Variants in CACNA2D1 observed in about 807,000 individuals in gnomAD.
CACNA2D1 encodes the protein voltage-dependent calcium channel subunit alpha-2/delta-1.
Under a neutral mutation model 171.5 loss-of-function variants are expected in CACNA2D1, and 53 were observed. The ratio of observed to expected loss-of-function variants is 0.31; its 90% CI spans 0.25 to 0.39. CACNA2D1 has a LOEUF of 0.39. Ranked by LOEUF, CACNA2D1 falls within the 10% of genes least tolerant of loss-of-function variation. CACNA2D1 has a pLI of 1.00. For missense variants in CACNA2D1, 903 were observed against 1,299.8 expected (o/e 0.69, Z 4.69); for synonymous variants, 442 against 443.1 (o/e 1.00, Z 0.03).
At chr7:82,110,897 T>TG (rs1388793116) in intron 6 of CACNA2D1, among the ~76,000 whole-genome samples, 1 of 152,238 alleles carries the variant, frequency 6.6e-6, no homozygotes, top group Non-Finnish European at 1.5e-5. Context: ...TACACTACGA[T>TG]ATACACTATT....
At chr7:82,347,241 A>C (rs1819354149) in intron 2 of CACNA2D1, among the ~76,000 whole-genome samples, 1 of 152,162 alleles carries the variant, frequency 6.6e-6, no homozygotes, top group Non-Finnish European at 1.5e-5. Flanking sequence ...GGATACAATA[A>C]AGCAATTTTC....
rs186833860 is a variant in CACNA2D1, at chr7:81,972,347, T to C, written c.2054-483A>G. On this transcript the variant is annotated intron_variant, in intron 25 of 38. Coordinates refer to ENST00000356860, the MANE Select transcript of CACNA2D1 (RefSeq NM_000722.4). Reference sequence around the variant, plus strand: ...AAGTTACTGTCTACTTTCACTTTCATTTGTTATAAGAAAAGCTATTTTCAT... The same window carrying C: ...AAGTTACTGTCTACTTTCACTTTCACTTGTTATAAGAAAAGCTATTTTCAT... Among the ~76,000 whole-genome samples, 264 of 151,954 alleles carry C rather than the reference T, an allele frequency of 1.7e-3. 1 individual carries two copies. Among genetic ancestry groups the C allele is most frequent in the African/African-American group, 6.0e-3 (249 of 41,530 alleles).
intron 6 of CACNA2D1, among the ~76,000 whole-genome samples, chr7:82,092,400 C>A (rs900192782): frequency 6.6e-6 from 1 of 151,698 alleles, no homozygotes; most frequent in Non-Finnish European, 1.5e-5. Flanking sequence ...GAGACAGAGT[C>A]TCATTCTGTC....
chr7:82,192,309 C>G (rs909280258), intron 3 of CACNA2D1, among the ~76,000 whole-genome samples: 1 of 151,512 alleles, frequency 6.6e-6, no homozygotes, highest in African/African-American at 2.4e-5. Context: ...CACAATAACT[C>G]TATTAATAGG....
intron 4 of CACNA2D1, among the ~76,000 whole-genome samples, chr7:82,156,773 T>A (rs1794420637): frequency 6.6e-6 from 1 of 152,072 alleles, no homozygotes; most frequent in African/African-American, 2.4e-5. Context: ...TTTCTTGAGT[T>A]AAATGTGGTT....
At chr7:82,175,895 C>T (rs1340051330) in intron 3 of CACNA2D1, among the ~76,000 whole-genome samples, 1 of 151,764 alleles carries the variant, frequency 6.6e-6, no homozygotes, top group Non-Finnish European at 1.5e-5. Context: ...ACTATAATCA[C>T]CAATGACCTC....
chr7:82,356,089 G>C (rs1484242703), intron 1 of CACNA2D1, among the ~76,000 whole-genome samples: 1 of 152,016 alleles, frequency 6.6e-6, no homozygotes, highest in Non-Finnish European at 1.5e-5. Flanking sequence ...TTCCAACACA[G>C]AGCTAATAGC....
intron 3 of CACNA2D1, among the ~76,000 whole-genome samples, chr7:82,329,038 G>T (rs1005110808): frequency 2.0e-5 from 3 of 151,642 alleles, no homozygotes; most frequent in African/African-American, 7.3e-5. Context: ...AATCCCTACA[G>T]ATAAAGACCA....
intron 1 of CACNA2D1, among the ~76,000 whole-genome samples, chr7:82,380,082 T>C (rs562137527): frequency 3.3e-5 from 5 of 152,306 alleles, no homozygotes; most frequent in African/African-American, 1.2e-4. Context: ...AATTGTCAAG[T>C]TTATTACATT....
rs569752127 is a variant in CACNA2D1, at chr7:82,077,841, T to C, written c.658+6928A>G. On this transcript the variant is annotated intron_variant, in intron 7 of 38. Coordinates refer to ENST00000356860, the MANE Select transcript of CACNA2D1 (RefSeq NM_000722.4). ...AATACTATAAATGTTGAGGCTCCAC[T>C]GGTATCCCATTTTCTTCTAGTTGGC... 1.4e-4 allele frequency among the ~76,000 whole-genome samples: 21 copies of C among 152,108 alleles called. No homozygotes were observed. The East Asian group carries it at 3.9e-3, about 28-fold the overall frequency.
intron 3 of CACNA2D1, among the ~76,000 whole-genome samples, chr7:82,188,732 G>T (rs1030185559): frequency 1.3e-5 from 2 of 152,028 alleles, no homozygotes; most frequent in African/African-American, 4.8e-5. Context: ...GTTCTTCACA[G>T]CACTATTCAT....
intron 5 of CACNA2D1, among the ~76,000 whole-genome samples, chr7:82,122,538 G>A (rs1028141330): frequency 2.0e-5 from 3 of 152,180 alleles, no homozygotes; most frequent in East Asian, 1.9e-4. Context: ...AAAAGAGTTG[G>A]AGGCTGATTT....
intron 1 of CACNA2D1, among the ~76,000 whole-genome samples, chr7:82,388,615 A>G (rs10269176): frequency 0.03 from 4,581 of 152,302 alleles, 269 homozygotes; most frequent in African/African-American, 0.1. Flanking sequence ...TTGCTTCCCC[A>G]GAGTGGGATT....
rs1318809954 is a variant in CACNA2D1 at position 82,002,702 on chromosome 7, AG to A, written c.1590+2720del. Among the ~76,000 whole-genome samples the A allele has an allele frequency of 9.9e-5, 15 of 152,206 alleles. 1 individual carries two copies. The highest frequency in any genetic ancestry group is 2.2e-4 in the Non-Finnish European group (15 of 68,018). On this transcript the variant is annotated intron_variant, in intron 18 of 38. Coordinates refer to ENST00000356860, the MANE Select transcript of CACNA2D1 (RefSeq NM_000722.4). ...ACTTCAATGACACAAAACGGAAGAA[AG>A]TTAAAATCCATTTTGGAATAAAGCA... is the stretch of plus-strand genomic sequence containing the variant.
chr7:82,089,919 A>C (rs897089878), intron 6 of CACNA2D1, among the ~76,000 whole-genome samples: 2 of 152,178 alleles, frequency 1.3e-5, no homozygotes, highest in African/African-American at 4.8e-5. Flanking sequence ...CCATACATTG[A>C]TGGCACCATA....
At chr7:82,120,185 G>A (rs1251816658) in intron 5 of CACNA2D1, among the ~76,000 whole-genome samples, 1 of 152,040 alleles carries the variant, frequency 6.6e-6, no homozygotes, top group Non-Finnish European at 1.5e-5. Context: ...GTGCACGCAC[G>A]CACGTGTGTC....
chr7:82,072,873 A>T (rs1198719287), intron 7 of CACNA2D1, among the ~76,000 whole-genome samples: 1 of 152,108 alleles, frequency 6.6e-6, no homozygotes, highest in African/African-American at 2.4e-5. Context: ...AACACTTAGA[A>T]CCATAGTTGG....
At chr7:82,249,030 T>TG (rs1244851808) in intron 3 of CACNA2D1, among the ~76,000 whole-genome samples, 1 of 150,922 alleles carries the variant, frequency 6.6e-6, no homozygotes, top group Non-Finnish European at 1.5e-5. Context: ...GGCAGGAGAA[T>TG]GGCGTAACCT....
At chr7:82,399,608 CT>C (rs1300039576) in intron 1 of CACNA2D1, among the ~76,000 whole-genome samples, 11 of 152,164 alleles carry the variant, frequency 7.2e-5, no homozygotes, top group Non-Finnish European at 1.3e-4. Flanking sequence ...ACTGGCGAAT[CT>C]TGTATTTACA....
Sources: gnomAD v4.1 joint callset for allele counts (sites outside exome capture counted in the v4.1 genomes callset) on GRCh38, gnomAD v4.1.1 for gene constraint, MANE v1.5 for transcripts, NCBI Gene and HGNC (gene_info 2026-07-23, HGNC 2026-07-21) for gene names.